Variants in ACADL observed in about 807,000 individuals in gnomAD.
ACADL encodes the protein long-chain specific acyl-CoA dehydrogenase, mitochondrial.
Under a neutral mutation model 56.9 loss-of-function variants are expected in ACADL, and 60 were observed. The ratio of observed to expected loss-of-function variants is 1.05; its 90% CI spans 0.86 to 1.31. The LOEUF is 1.31. ACADL is among the 50% of genes most tolerant of loss of function. ACADL has a pLI of 0.00. For missense variants in ACADL, 484 were observed against 525.5 expected (o/e 0.92, Z 0.77); for synonymous variants, 158 against 179.7 (o/e 0.88, Z 0.97).
Position 210,190,301 on chromosome 2 carries a change from C to A in ACADL, c.1200-1247G>T, listed in dbSNP as rs1412618439. Among the ~76,000 whole-genome samples the A allele has an allele frequency of 3.9e-5, 6 of 151,980 alleles. No homozygotes were observed. The South Asian group carries it at 1.2e-3, about 31-fold the overall frequency. ...ATGTTTTCAAACATTTTTTTCTGAACGGATTTTGCTATTCTCTACAAAATC... is the reference window on the plus strand; with the variant it reads ...ATGTTTTCAAACATTTTTTTCTGAAAGGATTTTGCTATTCTCTACAAAATC... On this transcript the variant is annotated intron_variant, in intron 10 of 10. Transcript: ENST00000233710.
intron 5 of ACADL, among the ~76,000 whole-genome samples, chr2:210,208,065 T>A (rs1688918056): frequency 6.6e-6 from 1 of 152,236 alleles, no homozygotes; most frequent in South Asian, 2.1e-4. Flanking sequence ...CCTACCTTTC[T>A]GTCTAGTTCC....
chr2:210,210,826 G>A (rs1352734053), intron 4 of ACADL, among the ~76,000 whole-genome samples: 1 of 152,102 alleles, frequency 6.6e-6, no homozygotes, highest in African/African-American at 2.4e-5. Context: ...CACGCCTGTG[G>A]TCTCAGCTAC....
In ACADL at chr2:210,210,214, C is replaced by A; in HGVS notation, c.585G>T (p.Trp195Cys). Residue 195 changes from tryptophan to cysteine, a missense_variant, in exon 5 of 11, where the codon TGG (tryptophan) becomes TGT (cysteine). By Grantham distance (215) the Trp-to-Cys change is radical. Coordinates refer to ENST00000233710, the MANE Select transcript of ACADL (RefSeq NM_001608.4). Reference protein sequence around the residue: ...KTNAKKDGSDWILNGSKVFIS... With the variant: ...KTNAKKDGSDCILNGSKVFIS... ...TACACACCTTGCTTCCATTGAGAAT[C>A]CAGTCACTTCCATCCTTTTTAGCAT... 6.2e-7 allele frequency: 1 copy of A among 1,612,672 alleles called. No homozygotes were observed. The highest frequency in any genetic ancestry group is 8.5e-7 in the Non-Finnish European group (1 of 1,178,986).
chr2:210,213,451 G>A (rs1689022126), intron 4 of ACADL, among the ~76,000 whole-genome samples: 1 of 151,916 alleles, frequency 6.6e-6, no homozygotes, highest in Non-Finnish European at 1.5e-5. Context: ...AGTGAGCCGA[G>A]ATCGCGCCAT....
intron 10 of ACADL, among the ~76,000 whole-genome samples, chr2:210,189,753 T>C (rs1688602250): frequency 6.6e-6 from 1 of 152,038 alleles, no homozygotes; most frequent in Non-Finnish European, 1.5e-5. Context: ...TCTCATCTCA[T>C]TTTATCCTCT....
intron 10 of ACADL, among the ~76,000 whole-genome samples, chr2:210,189,598 A>T (rs1343629150): frequency 6.6e-6 from 1 of 152,126 alleles, no homozygotes; most frequent in Admixed American, 6.5e-5. Flanking sequence ...GTTAATAGTC[A>T]CTTCAGCAAT....
chr2:210,220,128 T>TA (rs1450733662), intron 2 of ACADL, among the ~76,000 whole-genome samples: 1 of 152,218 alleles, frequency 6.6e-6, no homozygotes, highest in Non-Finnish European at 1.5e-5. Flanking sequence ...ATTTTCAACT[T>TA]GTAACCCCAT....
chr2:210,205,716 A>G lies in ACADL; in HGVS notation c.684T>C (p.His228=), dbSNP rs1394839767. 1.9e-6 allele frequency: 3 copies of G among 1,613,980 alleles called. No homozygotes were observed. The highest frequency in any genetic ancestry group is 2.5e-6 in the Non-Finnish European group (3 of 1,179,926). ...VTNHEAPSPA[H]GISLFLVENG... ...TTTCCACCAGAAAAAGGCTAATACC[A>G]TGGGCAGGGGAGGGAGCTTCATGAT... The change falls in exon 6 of 11, where the codon CAT becomes CAC. Residue 228 remains histidine (H), a synonymous_variant. Transcript: ENST00000233710.
chr2:210,214,768 C>T lies in ACADL; in HGVS notation c.536+1579G>A, dbSNP rs547050111. Among the ~76,000 whole-genome samples the T allele has an allele frequency of 1.2e-4, 18 of 152,272 alleles. No homozygotes were observed. In the South Asian group the frequency reaches 3.7e-3, roughly 32 times the overall value. On this transcript the variant is annotated intron_variant, in intron 4 of 10. Coordinates refer to ENST00000233710, the MANE Select transcript of ACADL (RefSeq NM_001608.4). Reference sequence around the variant, plus strand: ...TAATACAACTCAATCTGAATATTGGCAGTCAGTCAGGTAGTTATCTTAGAG... The same window carrying T: ...TAATACAACTCAATCTGAATATTGGTAGTCAGTCAGGTAGTTATCTTAGAG...
At chr2:210,194,566 CT>C (rs1688679719) in intron 9 of ACADL, among the ~76,000 whole-genome samples, 1 of 152,142 alleles carries the variant, frequency 6.6e-6, no homozygotes, top group African/African-American at 2.4e-5. Context: ...TGCTAATAAT[CT>C]TTAATTCAAA....
Position 210,192,797 on chromosome 2 carries a change from T to C in ACADL, c.1199+7A>G, listed in dbSNP as rs1220276126. ...TAAAGAAGAGTGTATCAGAAAACTA[T>C]ACTTACTTTGCAATTGGGTACTCCC... is the stretch of plus-strand genomic sequence containing the variant. On this transcript the variant is annotated splice_region_variant and intron_variant, in intron 10 of 10. Coordinates refer to ENST00000233710, the MANE Select transcript of ACADL (RefSeq NM_001608.4). 2 of 1,605,576 alleles carry C rather than the reference T, an allele frequency of 1.2e-6. No homozygotes were observed.
At position 210,203,399 on chromosome 2, in the gene ACADL, T is replaced by C; in HGVS notation, c.916A>G (p.Met306Val). 1.2e-6 allele frequency: 2 copies of C among 1,613,610 alleles called. No individual in the cohort carries two copies. Among genetic ancestry groups the C allele is most frequent in the Non-Finnish European group, 8.5e-7 (1 of 1,179,778 alleles). The change falls in exon 8 of 11, where the codon ATG (methionine) becomes GTG (valine). Residue 306 changes from methionine (M) to valine (V), a missense_variant. Physicochemically the swap from Met to Val is conservative, Grantham distance 21. Transcript: ENST00000233710. The part of the protein sequence containing the change: ...ADVAISASEF[M>V]FEETRNYVKQ... ...ACATAGTTCCTGGTTTCTTCAAACATGAATTCACTAGCTGAAATTGCCACA... is the reference window on the plus strand; with the variant it reads ...ACATAGTTCCTGGTTTCTTCAAACACGAATTCACTAGCTGAAATTGCCACA...
chr2:210,192,173 T>G (rs1688644151), intron 10 of ACADL, among the ~76,000 whole-genome samples: 1 of 151,954 alleles, frequency 6.6e-6, no homozygotes, highest in Non-Finnish European at 1.5e-5. Context: ...TTGCTTTTTT[T>G]TTTTTTTGGT....
intron 5 of ACADL, among the ~76,000 whole-genome samples, chr2:210,207,198 G>C (rs1004553956): frequency 6.6e-6 from 1 of 151,984 alleles, no homozygotes; most frequent in Non-Finnish European, 1.5e-5. Flanking sequence ...CTCTACAGCT[G>C]TATCATTCAT....
intron 4 of ACADL, among the ~76,000 whole-genome samples, chr2:210,213,430 G>T (rs1236998043): frequency 6.6e-6 from 1 of 152,028 alleles, no homozygotes; most frequent in Non-Finnish European, 1.5e-5. Flanking sequence ...AGCCTAGGAG[G>T]TGGAGGTTGC....
In ACADL at chr2:210,218,078, A is replaced by C. The variant is rs200172344; in HGVS notation, c.258T>G (p.Ser86Arg). ...HSEWEKAGEV[S>R]REVWEKAGKQ... is the part of the protein sequence containing the mutation. The stretch of plus-strand genomic sequence containing the variant: ...TTCCAGCTTTTTCCCAAACCTCCCT[A>C]CTTACTTCTCCAGCTTTCTCCCATC... The change falls in exon 3 of 11, where the codon AGT (serine) becomes AGG (arginine). Residue 86 changes from serine (S) to arginine (R), a missense_variant. Physicochemically the swap from Ser to Arg is moderately radical, Grantham distance 110. Coordinates refer to ENST00000233710, the MANE Select transcript of ACADL (RefSeq NM_001608.4). 1 of 1,613,786 alleles carries C rather than the reference A, an allele frequency of 6.2e-7. No homozygotes were observed.
At chr2:210,215,056 G>A (rs1200999938) in intron 4 of ACADL, among the ~76,000 whole-genome samples, 3 of 152,136 alleles carry the variant, frequency 2.0e-5, no homozygotes, top group African/African-American at 2.4e-5. Context: ...CCTGACCTCC[G>A]CAAAAACAAT....
rs754778722 is a variant in ACADL at position 210,217,959 on chromosome 2, A to T, written c.371+6T>A. ...AAGACTCAACCTTAAAAGTCTCCATACTTACTGCTCCTCCCAGACAATAGC... is the reference window on the plus strand; with the variant it reads ...AAGACTCAACCTTAAAAGTCTCCATTCTTACTGCTCCTCCCAGACAATAGC... On this transcript the variant is annotated splice_donor_region_variant and intron_variant, in intron 3 of 10. Transcript: ENST00000233710. The T allele has an allele frequency of 6.2e-7, 1 of 1,614,012 alleles. No homozygotes were observed. The highest frequency in any genetic ancestry group is 1.1e-5 in the South Asian group (1 of 91,070).
chr2:210,222,963 T>C (rs1463057141), intron 1 of ACADL, among the ~76,000 whole-genome samples: 1 of 152,218 alleles, frequency 6.6e-6, no homozygotes, highest in Non-Finnish European at 1.5e-5. Context: ...GAAAAAAATA[T>C]GCTGAGATTA....
Sources: gnomAD v4.1 joint callset for allele counts (sites outside exome capture counted in the v4.1 genomes callset) on GRCh38, gnomAD v4.1.1 for gene constraint, MANE v1.5 for transcripts, NCBI Gene and HGNC (gene_info 2026-07-23, HGNC 2026-07-21) for gene names.